Variants in MAST1 observed in about 807,000 individuals in gnomAD.
The protein encoded by MAST1 is microtubule associated serine/threonine kinase 1.
A neutral mutation model predicts 124.6 loss-of-function variants in MAST1; 40 were observed. The ratio of observed to expected loss-of-function variants is 0.32; its 90% CI spans 0.25 to 0.42. MAST1 has a LOEUF of 0.42. MAST1 is among the 10% of genes least tolerant of loss of function. MAST1 has a pLI of 1.00. For synonymous variants in MAST1, 938 were observed against 939.4 expected (o/e 1.00, Z 0.03); for missense variants, 1,558 against 2,181.9 (o/e 0.71, Z 5.70).
chr19:12,872,946 G>A (rs145950632), intron 24 of MAST1, among the ~76,000 whole-genome samples: 16 of 151,790 alleles, frequency 1.1e-4, no homozygotes, highest in Non-Finnish European at 2.1e-4. Flanking sequence ...ATGAGTGTTT[G>A]TAGCCAGAAT....
rs764046602 is a variant in MAST1 at position 12,847,824 on chromosome 19, G to T, written c.565-24G>T. On this transcript the variant is annotated intron_variant, in intron 6 of 25. Transcript: ENST00000251472. The surrounding 1 kb of genome is among the most constrained non-coding windows in gnomAD (Gnocchi z 5.5). ...CCGCAGCCTTCGGGCACAGCCCCGC[G>T]CCCCTCCTCCGTCCCTCCCGCAGGC... 1.3e-6 allele frequency: 2 copies of T among 1,596,510 alleles called. No individual in the cohort carries two copies. The highest frequency in any genetic ancestry group is 1.1e-5 in the South Asian group (1 of 89,632).
At chr19:12,862,860 T>G (rs1970101990) in intron 12 of MAST1, among the ~76,000 whole-genome samples, 1 of 150,566 alleles carries the variant, frequency 6.6e-6, no homozygotes, top group South Asian at 2.1e-4. Flanking sequence ...AGAGATGGGG[T>G]TTCTCCATGT....
At chr19:12,870,659 C>T (rs1453757673) in intron 22 of MAST1, among the ~76,000 whole-genome samples, 165 bp from the exon 23 acceptor site, 12 of 89,190 alleles carry the variant, frequency 1.3e-4, no homozygotes, top group East Asian at 7.4e-4. Flanking sequence ...AGTGAGACTC[C>T]GTCCAAAAAA....
At chr19:12,861,580 G>A (rs576277477) in intron 12 of MAST1, among the ~76,000 whole-genome samples, 1 of 152,308 alleles carries the variant, frequency 6.6e-6, no homozygotes, top group East Asian at 1.9e-4. Context: ...AAGGGGCGCT[G>A]ATGAGGAGGG....
rs1200624938 is a variant in MAST1, at chr19:12,840,417, C to T, written c.84-29C>T. ...AGAACTCACTGGGCTGCGGCCCGGCCCGGCCCCCCTGCCTTACCTTCCCCG... is the reference window on the plus strand; with the variant it reads ...AGAACTCACTGGGCTGCGGCCCGGCTCGGCCCCCCTGCCTTACCTTCCCCG... On this transcript the variant is annotated intron_variant, in intron 1 of 25. Coordinates refer to ENST00000251472, the MANE Select transcript of MAST1 (RefSeq NM_014975.3). 7.2e-6 allele frequency: 11 copies of T among 1,520,978 alleles called. No individual in the cohort carries two copies. In the Admixed American group the frequency reaches 1.9e-4, roughly 26 times the overall value. 94.2% of individuals were successfully genotyped at this position (1,520,978 alleles called of 1,614,324 possible).
In MAST1 at chr19:12,867,618, C is replaced by G; in HGVS notation, c.2284C>G (p.Arg762Gly). 6.2e-7 allele frequency: 1 copy of G among 1,609,766 alleles called. No homozygotes were observed. Residue 762 changes from arginine to glycine, a missense_variant, in exon 19 of 26, where the codon CGT becomes GGT. Arg to Gly is a moderately radical substitution (Grantham distance 125). This residue lies in a region of MAST1 where 287 missense variants were observed against 308.0 expected (regional missense o/e 0.93). Coordinates refer to ENST00000251472, the MANE Select transcript of MAST1 (RefSeq NM_014975.3). ...GGAGGGGCTGGGCGGCCTGACCCTGCGTGAGAAGACCTGGAGAGGGGGCTC... is the reference window on the plus strand; with the variant it reads ...GGAGGGGCTGGGCGGCCTGACCCTGGGTGAGAAGACCTGGAGAGGGGGCTC... Reference protein sequence around the residue: ...KREGLGGLTLREKTWRGGSPE... With the variant: ...KREGLGGLTLGEKTWRGGSPE...
chr19:12,844,923 T>A (rs145134485), intron 4 of MAST1, among the ~76,000 whole-genome samples: 54 of 152,186 alleles, frequency 3.5e-4, no homozygotes, highest in African/African-American at 1.0e-3. Context: ...ATGTAGGCTA[T>A]AGATAATGCA....
In MAST1 at chr19:12,871,042, A is replaced by T. The variant is rs756938096; in HGVS notation, c.3133A>T (p.Asn1045Tyr). 2 of 1,614,172 alleles carry T rather than the reference A, an allele frequency of 1.2e-6. No individual in the cohort carries two copies. The highest frequency in any genetic ancestry group is 1.7e-6 in the Non-Finnish European group (2 of 1,180,032). The change falls in exon 24 of 26, where the codon AAC becomes TAC. Residue 1045 changes from asparagine to tyrosine, a missense_variant. Coordinates refer to ENST00000251472, the MANE Select transcript of MAST1 (RefSeq NM_014975.3). Reference sequence around the variant, plus strand: ...TCCCGCATTCTTCCCCCAGAGTGGCAACAAGGTAGCAGTGACCACAACGCC... The same window carrying T: ...TCCCGCATTCTTCCCCCAGAGTGGCTACAAGGTAGCAGTGACCACAACGCC... ...EVVELILKSG[N>Y]KVAVTTTPFE...
rs1244061089 is a variant in MAST1, at chr19:12,873,682, T to G, written c.3525T>G (p.Ile1175Met). Residue 1175 changes from isoleucine to methionine, a missense_variant, in exon 26 of 26, where the codon ATT becomes ATG. By Grantham distance (10) the Ile-to-Met change is conservative. Around this residue, in one of 10 missense-constraint regions of MAST1, gnomAD observed 291 missense variants for 475.8 expected, o/e 0.61. Coordinates refer to ENST00000251472, the MANE Select transcript of MAST1 (RefSeq NM_014975.3). The stretch of plus-strand genomic sequence containing the variant: ...CTGCGTCGTCGGCGTCGCACCACAT[T>G]CGGCCCAGCACGCTGCACGGACTGT... ...NSPASSASHH[I>M]RPSTLHGLSP... 5.0e-6 allele frequency: 8 copies of G among 1,599,964 alleles called. No homozygotes were observed. Among genetic ancestry groups the G allele is most frequent in the Non-Finnish European group, 6.8e-6 (8 of 1,177,424 alleles).
intron 24 of MAST1, 132 bp from the exon 25 acceptor site, chr19:12,873,192 A>T (rs1970259896): frequency 1.2e-6 from 1 of 809,844 alleles, no homozygotes; most frequent in African/African-American, 1.7e-5. Flanking sequence ...CTTTATCTTG[A>T]TAGGTGGGTT....
chr19:12,874,905 C>T lies in MAST1; in HGVS notation c.*35C>T, dbSNP rs1418107487. On this transcript the variant is annotated 3_prime_UTR_variant, in exon 26 of 26. Coordinates refer to ENST00000251472, the MANE Select transcript of MAST1 (RefSeq NM_014975.3). The surrounding 1 kb of genome is among the most constrained non-coding windows in gnomAD (Gnocchi z 6.6). ...TCATCGGCCCCGCGCTGTACAGCCT[C>T]CGTATACATATGTACACATATAAAT... 2 of 1,562,932 alleles carry T rather than the reference C, an allele frequency of 1.3e-6. No homozygotes were observed. The highest frequency in any genetic ancestry group is 1.7e-6 in the Non-Finnish European group (2 of 1,158,876).
At chr19:12,844,784 T>A (rs1361761888) in intron 4 of MAST1, among the ~76,000 whole-genome samples, 1 of 152,158 alleles carries the variant, frequency 6.6e-6, no homozygotes, top group African/African-American at 2.4e-5. Flanking sequence ...TTGATCAGGC[T>A]GGAACCTTGT....
chr19:12,866,007 G>T lies in MAST1; in HGVS notation c.1934G>T (p.Ser645Ile). The change falls in exon 17 of 26, where the codon AGT (serine) becomes ATT (isoleucine). Residue 645 changes from serine (S) to isoleucine (I), a missense_variant. By Grantham distance (142) the Ser-to-Ile change is moderately radical. Coordinates refer to ENST00000251472, the MANE Select transcript of MAST1 (RefSeq NM_014975.3). The surrounding 1 kb of genome is among the most constrained non-coding windows in gnomAD (Gnocchi z 5.2). Reference protein sequence around the residue: ...AGGAFEVKQHSFFRDLDWTGL... With the variant: ...AGGAFEVKQHIFFRDLDWTGL... ...GGCGCTTTTGAGGTGAAGCAGCACA[G>T]TTTCTTTCGAGACCTGGACTGGACA... 4 of 1,614,136 alleles carry T rather than the reference G, an allele frequency of 2.5e-6. No individual in the cohort carries two copies. Among genetic ancestry groups the T allele is most frequent in the Non-Finnish European group, 3.4e-6 (4 of 1,180,022 alleles).
At chr19:12,872,093 T>A (rs1287982066) in intron 24 of MAST1, among the ~76,000 whole-genome samples, 1 of 151,932 alleles carries the variant, frequency 6.6e-6, no homozygotes, top group Non-Finnish European at 1.5e-5. Context: ...GTCCAGGAGA[T>A]GGTCCTATCC....
chr19:12,852,310 CT>C lies in MAST1; in HGVS notation c.1010-17del. The C allele has an allele frequency of 6.2e-7, 1 of 1,614,150 alleles. No homozygotes were observed. Among genetic ancestry groups the C allele is most frequent in the Non-Finnish European group, 8.5e-7 (1 of 1,180,042 alleles). On this transcript the variant is annotated splice_polypyrimidine_tract_variant and intron_variant, in intron 9 of 25. Transcript: ENST00000251472. ...AGGCCCAGAACCCAGCTCGTGCTCA[CT>C]CTCAGTCCCTCCCTAGATGTGGTGC...
intron 7 of MAST1, chr19:12,848,304 T>C: frequency 2.0e-6 from 1 of 499,242 alleles, no homozygotes; most frequent in Non-Finnish European, 3.6e-6. Context: ...GGTGGCTTCT[T>C]AGGCGGTCCC....
At chr19:12,854,985 C>T (rs1369354052) in intron 10 of MAST1, among the ~76,000 whole-genome samples, 2 of 152,170 alleles carry the variant, frequency 1.3e-5, no homozygotes, top group South Asian at 2.1e-4. Context: ...AATCCCAGCA[C>T]TTTGAGAGAC....
rs533849406 is a variant in MAST1, at chr19:12,874,884, C to T, written c.*14C>T. On this transcript the variant is annotated 3_prime_UTR_variant, in exon 26 of 26. Transcript: ENST00000251472. This position sits in a 1 kb window ranked among gnomAD's most constrained non-coding sequence, Gnocchi z 6.6. ...CCGGGACCATAGCCAAGGGGGTCATCGGCCCCGCGCTGTACAGCCTCCGTA... is the reference window on the plus strand; with the variant it reads ...CCGGGACCATAGCCAAGGGGGTCATTGGCCCCGCGCTGTACAGCCTCCGTA... 7.6e-6 allele frequency: 12 copies of T among 1,586,696 alleles called. No homozygotes were observed. In the African/African-American group the frequency reaches 8.0e-5, roughly 11 times the overall value.
intron 1 of MAST1, 138 bp from the exon 2 acceptor site, chr19:12,840,308 A>C (rs1325020699): frequency 4.7e-6 from 3 of 638,488 alleles, no homozygotes; most frequent in Non-Finnish European, 8.4e-6. Flanking sequence ...CCTTTCTTCG[A>C]GAAACCCTCC....
Sources: gnomAD v4.1 joint callset for allele counts (sites outside exome capture counted in the v4.1 genomes callset) on GRCh38, gnomAD v4.1.1 for gene constraint, gnomAD v4.1.1 regional missense constraint, Gnocchi (gnomAD v3.1) non-coding constraint, MANE v1.5 for transcripts, NCBI Gene and HGNC (gene_info 2026-07-23, HGNC 2026-07-21) for gene names.